The following AFAP1L2 variants were observed in gnomAD, a reference collection of about 807,000 sequenced individuals.
AFAP1L2 encodes actin filament associated protein 1 like 2, also known as actin filament-associated protein 1-like 2.
Under a neutral mutation model 99.3 loss-of-function variants are expected in AFAP1L2, and 46 were observed. The observed-to-expected ratio is 0.46, with a 90% CI of 0.37 to 0.59. AFAP1L2 has a LOEUF of 0.59. Among genes scored for constraint, AFAP1L2 ranks in the 20% least tolerant of loss-of-function variants. The pLI is 0.00. For missense variants in AFAP1L2, 959 were observed against 1,034.9 expected (o/e 0.93, Z 1.01); for synonymous variants, 397 against 419.1 (o/e 0.95, Z 0.64).
chr10:114,364,889 G>T (rs754505330), intron 1 of AFAP1L2, among the ~76,000 whole-genome samples: 9 of 152,102 alleles, frequency 5.9e-5, no homozygotes, highest in Non-Finnish European at 1.2e-4. Context: ...CTCCTTCTCG[G>T]GTCATGAATT....
At chr10:114,388,144 A>T (rs376286112) in intron 1 of AFAP1L2, among the ~76,000 whole-genome samples, 125 of 152,316 alleles carry the variant, frequency 8.2e-4, no homozygotes, top group African/African-American at 3.0e-3. Flanking sequence ...TGACTTACCC[A>T]TTTGGAAGGG....
intron 1 of AFAP1L2, chr10:114,398,961 C>G: frequency 7.9e-7 from 1 of 1,268,186 alleles, no homozygotes; most frequent in East Asian, 5.6e-5. Flanking sequence ...CCACTGTGGG[C>G]TTTCATCTCC....
rs202143506 is a variant in AFAP1L2, at chr10:114,300,403, C to T, written c.1789-41G>A. ...GACCTGACTCAGCTGGCTGAAGGGG[C>T]GCAGGAAGGTGGTCTTGCTGTCCTG... On this transcript the variant is annotated intron_variant, in intron 14 of 18. Transcript: ENST00000304129. The T allele has an allele frequency of 3.1e-5, 50 of 1,609,328 alleles. No individual in the cohort carries two copies. The East Asian group carries it at 3.1e-4, about 10-fold the overall frequency.
intron 1 of AFAP1L2, among the ~76,000 whole-genome samples, chr10:114,345,040 T>C (rs2136034404): frequency 7.0e-6 from 1 of 143,338 alleles, no homozygotes; most frequent in Admixed American, 7.2e-5. Context: ...GAGGTTGCAG[T>C]GAGCCGAGAT....
the AFAP1L2 span, chr10:114,286,057 C>T: frequency 4.1e-4 from 654 of 1,614,148 alleles, 1 homozygote; most frequent in Non-Finnish European, 5.3e-4. Flanking sequence ...TTGTGCGGGC[C>T]GTGCTGAGCG....
chr10:114,361,417 T>C (rs1166155617), intron 1 of AFAP1L2, among the ~76,000 whole-genome samples: 1 of 152,218 alleles, frequency 6.6e-6, no homozygotes, highest in Non-Finnish European at 1.5e-5. Context: ...GAAATATCAA[T>C]GAGACTGTCT....
intron 5 of AFAP1L2, among the ~76,000 whole-genome samples, chr10:114,318,003 ACT>A (rs1213489230): frequency 4.6e-5 from 7 of 152,086 alleles, no homozygotes; most frequent in African/African-American, 1.4e-4. Context: ...ATCATTTAAA[ACT>A]CTGAAAACTA....
intron 5 of AFAP1L2, among the ~76,000 whole-genome samples, chr10:114,318,740 A>AAAAAG (rs1423580465): frequency 1.6e-5 from 2 of 125,452 alleles, no homozygotes; most frequent in Non-Finnish European, 3.6e-5. Flanking sequence ...GACTCTGTCT[A>AAAAAG]AAAAAAAGAA....
intron 1 of AFAP1L2, chr10:114,398,973 T>C: frequency 8.1e-7 from 1 of 1,241,314 alleles, no homozygotes; most frequent in South Asian, 1.3e-5. Flanking sequence ...TTCATCTCCA[T>C]TTCTGGAATC....
At chr10:114,347,088 A>G (rs1187114407) in intron 1 of AFAP1L2, among the ~76,000 whole-genome samples, 3 of 152,216 alleles carry the variant, frequency 2.0e-5, no homozygotes, top group African/African-American at 4.8e-5. Context: ...AACTGAGCAG[A>G]CCTGCGCTTT....
At chr10:114,294,556 T>C (rs534946547), downstream of AFAP1L2, among the ~76,000 whole-genome samples, 1 of 152,340 alleles carries the variant, frequency 6.6e-6, no homozygotes, top group Non-Finnish European at 1.5e-5. Context: ...AAGAATTCTT[T>C]AGGAGTATAT....
At position 114,302,391 on chromosome 10, in the gene AFAP1L2, CATAGTCGT is replaced by C; in HGVS notation, c.1370_1377del (p.Tyr457CysfsTer5). 1.9e-6 allele frequency: 3 copies of C among 1,614,174 alleles called. No individual in the cohort carries two copies. The highest frequency in any genetic ancestry group is 2.5e-6 in the Non-Finnish European group (3 of 1,180,030). ...ATACAGGAGACCCTATCGGCATCCACATAGTCGTAGGTGAACTCTTCTGGGTCTGTCTT... is the reference window on the plus strand; with the variant it reads ...ATACAGGAGACCCTATCGGCATCCACAGGTGAACTCTTCTGGGTCTGTCTT... On this transcript the variant is annotated frameshift_variant, in exon 12 of 19. Coordinates refer to ENST00000304129, the MANE Select transcript of AFAP1L2 (RefSeq NM_001001936.3). LOFTEE classifies it high-confidence loss of function.
At chr10:114,290,197 C>T, downstream of AFAP1L2, 1 of 1,546,832 alleles carries the variant, frequency 6.5e-7, no homozygotes, top group Non-Finnish European at 8.7e-7. Flanking sequence ...CGGGTCTAAC[C>T]CATGCCTGGC....
chr10:114,301,476 G>T lies in AFAP1L2; in HGVS notation c.1431-11C>A, dbSNP rs997344385. On this transcript the variant is annotated splice_polypyrimidine_tract_variant and intron_variant, in intron 12 of 18. Coordinates refer to ENST00000304129, the MANE Select transcript of AFAP1L2 (RefSeq NM_001001936.3). ...TTTCTCTGCATCAGTCTGGAAACAG[G>T]GCGAGGTGGCACACATGAAGCAGCC... 23 of 1,593,306 alleles carry T rather than the reference G, an allele frequency of 1.4e-5. No individual in the cohort carries two copies. Among genetic ancestry groups the T allele is most frequent in the Non-Finnish European group, 1.9e-5 (22 of 1,160,990 alleles).
At chr10:114,341,399 G>C (rs2048805903) in intron 1 of AFAP1L2, among the ~76,000 whole-genome samples, 1 of 151,996 alleles carries the variant, frequency 6.6e-6, no homozygotes, top group Admixed American at 6.6e-5. Flanking sequence ...GGATCACAAG[G>C]TCAGGAGATT....
At chr10:114,325,955 C>A in intron 4 of AFAP1L2, 1 of 1,289,372 alleles carries the variant, frequency 7.8e-7, no homozygotes, top group Non-Finnish European at 1.0e-6. Context: ...CCAGCTCCAG[C>A]CTCCAAGAAA....
At chr10:114,365,013 G>A (rs1011061512) in intron 1 of AFAP1L2, among the ~76,000 whole-genome samples, 1 of 152,188 alleles carries the variant, frequency 6.6e-6, no homozygotes, top group African/African-American at 2.4e-5. Flanking sequence ...CCAGAGTCCG[G>A]GGGCATAAAT....
chr10:114,402,923 G>T (rs1277318557), intron 1 of AFAP1L2, among the ~76,000 whole-genome samples: 1 of 152,184 alleles, frequency 6.6e-6, no homozygotes, highest in East Asian at 1.9e-4. Flanking sequence ...TTCCTGTCAG[G>T]CTCAACTCAA....
intron 1 of AFAP1L2, chr10:114,398,982 T>G (rs1204744301): frequency 8.3e-7 from 1 of 1,207,376 alleles, no homozygotes; most frequent in Non-Finnish European, 1.1e-6. Flanking sequence ...ATTTCTGGAA[T>G]CTGCCTTTGA....
Sources: gnomAD v4.1 joint callset for allele counts (sites outside exome capture counted in the v4.1 genomes callset) on GRCh38, gnomAD v4.1.1 for gene constraint, MANE v1.5 for transcripts, NCBI Gene and HGNC (gene_info 2026-07-23, HGNC 2026-07-21) for gene names.